Variants in MINK1 observed in about 807,000 individuals in gnomAD.
MINK1 encodes misshapen-like kinase 1.
Under a neutral mutation model 178.4 loss-of-function variants are expected in MINK1, and 46 were observed. That is an observed-to-expected ratio of 0.26 (90% CI 0.20 to 0.33). The LOEUF (loss-of-function observed/expected upper bound fraction) is 0.33, where lower values mean the gene tolerates loss of function less well. Ranked by LOEUF, MINK1 falls within the 10% of genes least tolerant of loss-of-function variation. MINK1 has a pLI of 1.00. For synonymous variants in MINK1, 797 were observed against 709.7 expected (o/e 1.12, Z -1.96); for missense variants, 1,366 against 1,814.9 (o/e 0.75, Z 4.49).
chr17:4,854,812 C>A (rs777221187), intron 1 of MINK1: 2 of 479,998 alleles, frequency 4.2e-6, no homozygotes, highest in East Asian at 1.2e-4. Context: ...TAAAAAGATC[C>A]GGTTGAGTTC....
chr17:4,880,871 G>T (rs1967636516), intron 2 of MINK1, 113 bp from the exon 3 acceptor site: 4 of 1,092,952 alleles, frequency 3.7e-6, no homozygotes, highest in Non-Finnish European at 5.0e-6. Flanking sequence ...CTGCACTCTA[G>T]TCTGGGCGAC....
chr17:4,893,978 T>C lies in MINK1; in HGVS notation c.2565-10T>C, dbSNP rs1355935368. On this transcript the variant is annotated splice_polypyrimidine_tract_variant and intron_variant, in intron 21 of 31. Coordinates refer to ENST00000355280, the MANE Select transcript of MINK1 (RefSeq NM_153827.5). ...AGGACCTGGAGGGGCCCCACCTTCC[T>C]CTCTCACAGCAGCGATGGGGATACA... is the stretch of plus-strand genomic sequence containing the variant. The C allele has an allele frequency of 6.4e-7, 1 of 1,559,306 alleles. No individual in the cohort carries two copies. Among genetic ancestry groups the C allele is most frequent in the East Asian group, 2.3e-5 (1 of 43,018 alleles).
rs1968220266 is a variant in MINK1 at position 4,886,563 on chromosome 17, C to T, written c.886C>T (p.Arg296Trp). Residue 296 changes from arginine (R) to tryptophan (W), a missense_variant, in exon 10 of 32, where the codon CGG becomes TGG. Arg to Trp is a moderately radical substitution (Grantham distance 101). Coordinates refer to ENST00000355280, the MANE Select transcript of MINK1 (RefSeq NM_153827.5). This position sits in a 1 kb window ranked among gnomAD's most constrained non-coding sequence, Gnocchi z 6.1. ...CTTCATCCGGGACCAGCCCACGGAG[C>T]GGCAGGTCCGCATCCAGCTTAAGGA... ...FPFIRDQPTE[R>W]QVRIQLKDHI... is the part of the protein sequence containing the mutation. 6.2e-7 allele frequency: 1 copy of T among 1,612,942 alleles called. No homozygotes were observed. The highest frequency in any genetic ancestry group is 8.5e-7 in the Non-Finnish European group (1 of 1,179,504).
chr17:4,833,464 G>C lies in MINK1; in HGVS notation c.-120G>C. ...CGGCCCTCCCCCTCCCCGGTCTCCGGGGGAGGCGCGGTGGAGTCCGCCCCC... is the reference window on the plus strand; with the variant it reads ...CGGCCCTCCCCCTCCCCGGTCTCCGCGGGAGGCGCGGTGGAGTCCGCCCCC... On this transcript the variant is annotated 5_prime_UTR_variant, in exon 1 of 32. Coordinates refer to ENST00000355280, the MANE Select transcript of MINK1 (RefSeq NM_153827.5). The surrounding 1 kb of genome is among the most constrained non-coding windows in gnomAD (Gnocchi z 4.8). 2 of 790,878 alleles carry C rather than the reference G, an allele frequency of 2.5e-6. No homozygotes were observed. Among genetic ancestry groups the C allele is most frequent in the Non-Finnish European group, 1.9e-6 (1 of 518,946 alleles). 49.0% of individuals were successfully genotyped at this position (790,878 alleles called of 1,614,324 possible).
chr17:4,838,670 A>G lies in MINK1; in HGVS notation c.57+5030A>G, dbSNP rs75572276. ...TGCAGTAACCTCTCAACCCAGAAAC[A>G]TAAAGCAATTCTGGACTGGAGAACA... On this transcript the variant is annotated intron_variant, in intron 1 of 31. Transcript: ENST00000355280. 2.0e-5 allele frequency among the ~76,000 whole-genome samples: 3 copies of G among 152,336 alleles called. No individual in the cohort carries two copies. In the East Asian group the frequency reaches 5.8e-4, roughly 29 times the overall value.
intron 1 of MINK1, among the ~76,000 whole-genome samples, chr17:4,868,052 C>A (rs1289373732): frequency 1.3e-5 from 2 of 151,090 alleles, no homozygotes; most frequent in Non-Finnish European, 2.9e-5. Flanking sequence ...TCTCGGCTCA[C>A]TGCAACCTCC....
At position 4,833,728 on chromosome 17, in the gene MINK1, G is replaced by GGGCGCCCCCTCCACCAGCT. The variant is rs1315349102; in HGVS notation, c.57+89_57+107dup. ...GTGGCTGCACGCCTCACGTGCTCCC[G>GGGCGCCCCCTCCACCAGCT]GGCGCCCCCTCCACCAGCTTGGGTC... is the stretch of plus-strand genomic sequence containing the variant. On this transcript the variant is annotated intron_variant, in intron 1 of 31. Transcript: ENST00000355280. This position sits in a 1 kb window ranked among gnomAD's most constrained non-coding sequence, Gnocchi z 4.8. The GGGCGCCCCCTCCACCAGCT allele has an allele frequency of 1.7e-6, 2 of 1,152,404 alleles. No homozygotes were observed. Among genetic ancestry groups the GGGCGCCCCCTCCACCAGCT allele is most frequent in the Non-Finnish European group, 2.3e-6 (2 of 862,522 alleles). The allele number at this position is 1,152,404 out of a possible 1,614,324, so 71.4% of individuals were successfully genotyped here.
In MINK1 at chr17:4,887,353, TG is replaced by T. The variant is rs1968310717; in HGVS notation, c.1019+178del. ...GTGGAACCAATGACTGAGCAAGAGC[TG>T]GGGAGAGAGCAATTTGTGGTGAATG... is the stretch of plus-strand genomic sequence containing the variant. On this transcript the variant is annotated intron_variant, in intron 11 of 31. Coordinates refer to ENST00000355280, the MANE Select transcript of MINK1 (RefSeq NM_153827.5). The surrounding 1 kb of genome is among the most constrained non-coding windows in gnomAD (Gnocchi z 7.6). Among the ~76,000 whole-genome samples, 1 of 151,914 alleles carries T rather than the reference TG, an allele frequency of 6.6e-6. No homozygotes were observed. Among genetic ancestry groups the T allele is most frequent in the South Asian group, 2.1e-4 (1 of 4,812 alleles).
chr17:4,842,531 C>G (rs1245946327), intron 1 of MINK1, among the ~76,000 whole-genome samples: 1 of 152,224 alleles, frequency 6.6e-6, no homozygotes, highest in Non-Finnish European at 1.5e-5. Context: ...TGTCTGCTAG[C>G]ATACCTCTGG....
intron 13 of MINK1, chr17:4,890,143 C>T: frequency 1.6e-6 from 1 of 614,694 alleles, no homozygotes; most frequent in East Asian, 4.8e-5. Flanking sequence ...TCCTCCTTCT[C>T]CAACTCGCTG....
chr17:4,873,617 C>CTTTTTTTTTTTTTTTTTTTTTTTT (rs71367860), intron 1 of MINK1, among the ~76,000 whole-genome samples: 1 of 108,086 alleles, frequency 9.3e-6, no homozygotes. Flanking sequence ...TTTTTCTTTT[C>CTTTTTTTTTTTTTTTTTTTTTTTT]TTTTTTTTTT....
intron 1 of MINK1, among the ~76,000 whole-genome samples, chr17:4,847,631 G>T (rs1247923979): frequency 6.6e-6 from 1 of 152,166 alleles, no homozygotes; most frequent in East Asian, 1.9e-4. Flanking sequence ...TTAAACATAT[G>T]AATATATTAA....
At chr17:4,838,854 A>T (rs1909695582) in intron 1 of MINK1, among the ~76,000 whole-genome samples, 1 of 152,152 alleles carries the variant, frequency 6.6e-6, no homozygotes, top group African/African-American at 2.4e-5. Context: ...TATGGAAAGG[A>T]TGTAATATAG....
chr17:4,866,781 A>C (rs1229673775), intron 1 of MINK1, among the ~76,000 whole-genome samples: 1 of 149,342 alleles, frequency 6.7e-6, no homozygotes, highest in Non-Finnish European at 1.5e-5. Flanking sequence ...CAATTAAAAA[A>C]CAAAAAACTC....
intron 1 of MINK1, among the ~76,000 whole-genome samples, chr17:4,845,552 GAC>G (rs1910887903): frequency 6.6e-6 from 1 of 152,008 alleles, no homozygotes; most frequent in African/African-American, 2.4e-5. Flanking sequence ...TCCAGGCCTC[GAC>G]AGTTGAGAGC....
intron 1 of MINK1, among the ~76,000 whole-genome samples, chr17:4,838,555 C>T (rs1350215519): frequency 6.6e-6 from 1 of 152,144 alleles, no homozygotes; most frequent in African/African-American, 2.4e-5. Flanking sequence ...TGTAAACCAT[C>T]TTTGTTTGTC....
Position 4,885,119 on chromosome 17 carries a change from CTCCCTCCCCTT to C in MINK1, c.508+122_508+132del. 2.2e-6 allele frequency: 2 copies of C among 909,594 alleles called. No homozygotes were observed. The highest frequency in any genetic ancestry group is 3.4e-6 in the Non-Finnish European group (2 of 587,836). The allele number at this position is 909,594 out of a possible 1,614,324, so 56.3% of individuals were successfully genotyped here. A position where few individuals can be genotyped will look rare whatever the true frequency, so the allele number is the denominator to read the frequency against. Reference sequence around the variant, plus strand: ...ACTCCCTTCCTACTGGGGAGGCTCACTCCCTCCCCTTTCCCCTCTCCCCCTGGAATGCCCTG... The same window carrying C: ...ACTCCCTTCCTACTGGGGAGGCTCACTCCCCTCTCCCCCTGGAATGCCCTG... On this transcript the variant is annotated intron_variant, in intron 6 of 31. Transcript: ENST00000355280. This position sits in a 1 kb window ranked among gnomAD's most constrained non-coding sequence, Gnocchi z 5.0.
intron 4 of MINK1, among the ~76,000 whole-genome samples, chr17:4,881,832 C>T (rs1967723531): frequency 6.6e-6 from 1 of 152,256 alleles, no homozygotes; most frequent in African/African-American, 2.4e-5. Context: ...AGCCTGGGCA[C>T]TGGTGCTGAC....
chr17:4,873,865 C>T (rs1318613043), intron 1 of MINK1, among the ~76,000 whole-genome samples: 3 of 152,078 alleles, frequency 2.0e-5, no homozygotes, highest in South Asian at 2.1e-4. Flanking sequence ...GATGATCCGG[C>T]GTTCTCAGCT....
Sources: gnomAD v4.1 joint callset for allele counts (sites outside exome capture counted in the v4.1 genomes callset) on GRCh38, gnomAD v4.1.1 for gene constraint, Gnocchi (gnomAD v3.1) non-coding constraint, MANE v1.5 for transcripts, NCBI Gene and HGNC (gene_info 2026-07-23, HGNC 2026-07-21) for gene names.